Variants in FRAS1 observed in about 807,000 individuals in gnomAD.
The protein encoded by FRAS1 is extracellular matrix organizing protein FRAS1.
In FRAS1, 290 loss-of-function variants were observed where a neutral mutation model predicts 435.2. The ratio of observed to expected loss-of-function variants is 0.67; its 90% CI spans 0.61 to 0.73. The LOEUF (loss-of-function observed/expected upper bound fraction) is 0.73. FRAS1 is among the 30% of genes least tolerant of loss of function. FRAS1 has a pLI of 0.00. For synonymous variants in FRAS1, 1,800 were observed against 1,851.0 expected (o/e 0.97, Z 0.71); for missense variants, 4,860 against 5,001.5 (o/e 0.97, Z 0.85).
At chr4:78,251,957 A>T (rs1725552603) in intron 4 of FRAS1, among the ~76,000 whole-genome samples, 1 of 152,126 alleles carries the variant, frequency 6.6e-6, no homozygotes, top group South Asian at 2.1e-4. Flanking sequence ...GGGGAGTGGA[A>T]TATGGGAACT....
In FRAS1 at chr4:78,383,464, A is replaced by T. The variant is rs977776064; in HGVS notation, c.3564-595A>T. 2.0e-5 allele frequency among the ~76,000 whole-genome samples: 3 copies of T among 152,340 alleles called. No homozygotes were observed. In the South Asian group the frequency reaches 6.2e-4, roughly 32 times the overall value. ...CTGGTTGTCCTGTAGTCAGATGCTGAGACTGACTGCTGGCTCTCGGGCCAG... is the reference window on the plus strand; with the variant it reads ...CTGGTTGTCCTGTAGTCAGATGCTGTGACTGACTGCTGGCTCTCGGGCCAG... On this transcript the variant is annotated intron_variant, in intron 27 of 73. Transcript: ENST00000512123.
In FRAS1 at chr4:78,488,966, C is replaced by T. The variant is rs778096225; in HGVS notation, c.8844C>T (p.Ser2948=). 5.6e-6 allele frequency: 9 copies of T among 1,613,550 alleles called. No homozygotes were observed. Among genetic ancestry groups the T allele is most frequent in the African/African-American group, 1.3e-5 (1 of 74,896 alleles). The change falls in exon 59 of 74, where the codon AGC becomes AGT. Residue 2948 remains serine, a synonymous_variant. Coordinates refer to ENST00000512123, the MANE Select transcript of FRAS1 (RefSeq NM_025074.7). ...HVPITRSGDL[S]YESSVRCYTQ... is the part of the protein sequence containing the mutation. ...CTATCACTCGGAGCGGAGACCTGAGCTATGAGTCATCAGTGAGGTGCTATA... is the reference window on the plus strand; with the variant it reads ...CTATCACTCGGAGCGGAGACCTGAGTTATGAGTCATCAGTGAGGTGCTATA...
chr4:78,222,826 A>G (rs1276382141), intron 2 of FRAS1, among the ~76,000 whole-genome samples: 2 of 152,178 alleles, frequency 1.3e-5, no homozygotes, highest in Admixed American at 1.3e-4. Context: ...TATTCAGCCA[A>G]TTGACTAGTA....
chr4:78,344,447 C>T (rs79680302), intron 20 of FRAS1, among the ~76,000 whole-genome samples: 138 of 137,740 alleles, frequency 1.0e-3, no homozygotes, highest in Non-Finnish European at 1.8e-3. Flanking sequence ...ATGATTGATC[C>T]GAGATTTGAA....
At chr4:78,232,043 A>T (rs1339866294) in intron 2 of FRAS1, among the ~76,000 whole-genome samples, 1 of 152,166 alleles carries the variant, frequency 6.6e-6, no homozygotes, top group Admixed American at 6.5e-5. Context: ...AACATGGAAA[A>T]TCTGTAAAAC....
In FRAS1 at chr4:78,526,528, T is replaced by C. The variant is rs1251590950; in HGVS notation, c.10809-13T>C. 6.5e-7 allele frequency: 1 copy of C among 1,545,328 alleles called. No homozygotes were observed. The highest frequency in any genetic ancestry group is 2.3e-5 in the East Asian group (1 of 42,602). On this transcript the variant is annotated splice_polypyrimidine_tract_variant and intron_variant, in intron 69 of 73. Transcript: ENST00000512123. ...TGTTCCCTACGATCACAGTCTGCTC[T>C]GCATGTTTCCAGGAAGGACTACTCA...
At chr4:78,309,340 A>G (rs1213833759) in intron 15 of FRAS1, among the ~76,000 whole-genome samples, 2 of 152,246 alleles carry the variant, frequency 1.3e-5, no homozygotes, top group Non-Finnish European at 1.5e-5. Flanking sequence ...TACAGCAGCA[A>G]TAGAAAATGA....
At chr4:78,369,528 C>A (rs563428180) in intron 22 of FRAS1, among the ~76,000 whole-genome samples, 1 of 152,162 alleles carries the variant, frequency 6.6e-6, no homozygotes, top group East Asian at 1.9e-4. Context: ...GGTTTAAGTT[C>A]TGAACTATAA....
chr4:78,154,997 C>T (rs901150163), intron 2 of FRAS1, among the ~76,000 whole-genome samples: 18 of 152,192 alleles, frequency 1.2e-4, no homozygotes, highest in Non-Finnish European at 2.5e-4. Flanking sequence ...TGACAGTCTC[C>T]TTTAATGATT....
At chr4:78,405,949 A>T (rs1474124397) in intron 30 of FRAS1, among the ~76,000 whole-genome samples, 1 of 152,242 alleles carries the variant, frequency 6.6e-6, no homozygotes, top group Non-Finnish European at 1.5e-5. Context: ...GTCTCACTTT[A>T]AGAAGATAGT....
Position 78,387,399 on chromosome 4 carries a change from GT to G in FRAS1, c.3675del (p.Leu1226SerfsTer31), listed in dbSNP as rs1233923207. On this transcript the variant is annotated frameshift_variant, in exon 29 of 74. Transcript: ENST00000512123. LOFTEE classifies it high-confidence loss of function. ...TQAPYVLRNEVLHISRGERAT... is the reference protein window; with the variant it reads ...TQAPYVLRNEXLHISRGERAT... ...GGCCCCCTATGTGCTGAGAAATGAA[GT>G]TCTCCACATTAGCAGAGGAGAGAGG... The G allele has an allele frequency of 9.9e-6, 16 of 1,610,920 alleles. No homozygotes were observed. Among genetic ancestry groups the G allele is most frequent in the Non-Finnish European group, 1.4e-5 (16 of 1,178,166 alleles).
Position 78,400,741 on chromosome 4 carries a change from G to A in FRAS1, c.3983G>A (p.Arg1328Lys). ...ATTTTATTTTTATTTCAGAATGACA[G>A]GGGTCTTCAGCTTGTGGCTAATTCG... ...FQVKTVPQND[R>K]GLQLVANSMV... Residue 1328 changes from arginine (R) to lysine (K), a missense_variant, in exon 30 of 74, where the codon AGG (arginine) becomes AAG (lysine). Transcript: ENST00000512123. The A allele has an allele frequency of 6.2e-7, 1 of 1,612,118 alleles. No homozygotes were observed. Among genetic ancestry groups the A allele is most frequent in the Non-Finnish European group, 8.5e-7 (1 of 1,179,288 alleles).
intron 58 of FRAS1, among the ~76,000 whole-genome samples, chr4:78,485,176 C>T (rs1236871920): frequency 6.6e-6 from 1 of 152,138 alleles, no homozygotes; most frequent in Non-Finnish European, 1.5e-5. Flanking sequence ...AAATAACTAC[C>T]TTACAAGATT....
intron 15 of FRAS1, among the ~76,000 whole-genome samples, chr4:78,312,045 T>C (rs1268783556): frequency 6.6e-6 from 1 of 151,952 alleles, no homozygotes; most frequent in Non-Finnish European, 1.5e-5. Context: ...TAATCTTTGA[T>C]TCATTATTTT....
chr4:78,232,168 T>G (rs886133791), intron 2 of FRAS1, among the ~76,000 whole-genome samples: 8 of 152,352 alleles, frequency 5.3e-5, no homozygotes, highest in Admixed American at 2.6e-4. Context: ...TATAATTGAT[T>G]TGTAAAGATT....
intron 44 of FRAS1, among the ~76,000 whole-genome samples, chr4:78,449,087 T>A (rs1202727110): frequency 1.3e-5 from 2 of 152,228 alleles, no homozygotes; most frequent in Non-Finnish European, 2.9e-5. Context: ...GCTAATAAAC[T>A]ATCCTGTTAC....
chr4:78,259,109 T>G (rs1197276499), intron 6 of FRAS1, among the ~76,000 whole-genome samples: 1 of 86,084 alleles, frequency 1.2e-5, no homozygotes, highest in African/African-American at 3.9e-5. Flanking sequence ...TCTATCATTG[T>G]TGGACATTTG....
chr4:78,108,622 C>A lies in FRAS1; in HGVS notation c.108+42606C>A. ...GCAGTGTGTAGAGGGAAATTTATAG[C>A]ACTAAATGCCTACAAGAGAAAGCAG... On this transcript the variant is annotated intron_variant, in intron 2 of 73. Coordinates refer to ENST00000512123, the MANE Select transcript of FRAS1 (RefSeq NM_025074.7). Among the ~76,000 whole-genome samples the A allele has an allele frequency of 2.4e-5, 2 of 85,072 alleles. 1 individual carries two copies. Among genetic ancestry groups the A allele is most frequent in the Non-Finnish European group, 4.6e-5 (2 of 43,602 alleles). The allele number at this position is 85,072 out of a possible 152,430, so 55.8% of individuals were successfully genotyped here. A position where few individuals can be genotyped will look rare whatever the true frequency, so the allele number is the denominator to read the frequency against.
At chr4:78,511,678 C>CT in intron 64 of FRAS1, 172 bp downstream of exon 64, 1 of 668,654 alleles carries the variant, frequency 1.5e-6, no homozygotes, top group Non-Finnish European at 2.7e-6. Flanking sequence ...GGCCCCCTGC[C>CT]TATCTTCCTA....
Sources: gnomAD v4.1 joint callset for allele counts (sites outside exome capture counted in the v4.1 genomes callset) on GRCh38, gnomAD v4.1.1 for gene constraint, MANE v1.5 for transcripts, NCBI Gene and HGNC (gene_info 2026-07-23, HGNC 2026-07-21) for gene names.